NLRP13: variants seen among roughly 807,000 people sequenced by gnomAD.
NLRP13 encodes NACHT, LRR and PYD domains-containing protein 13.
NLRP13 carries 82 observed loss-of-function variants against 94.4 expected under a neutral mutation model. The ratio of observed to expected loss-of-function variants is 0.87; its 90% CI spans 0.73 to 1.04. The LOEUF (loss-of-function observed/expected upper bound fraction) is 1.04. NLRP13 is among the 50% of genes least tolerant of loss of function. The probability of loss-of-function intolerance (pLI) is 0.00; values close to 1 mark genes in which losing one functional copy is unlikely to be tolerated. For synonymous variants in NLRP13, 553 were observed against 464.7 expected (o/e 1.19, Z -2.45); for missense variants, 1,426 against 1,230.8 (o/e 1.16, Z -2.37).
chr19:55,895,608 GGGAGGT>G (rs1240456921), downstream of NLRP13, among the ~76,000 whole-genome samples: 1 of 150,836 alleles, frequency 6.6e-6, no homozygotes, highest in African/African-American at 2.4e-5. Flanking sequence ...GCTTAAACCC[GGGAGGT>G]GGAGGTTGCA....
downstream of NLRP13, among the ~76,000 whole-genome samples, chr19:55,892,398 C>CA (rs752944653): frequency 2.4e-4 from 36 of 151,332 alleles, no homozygotes; most frequent in Non-Finnish European, 4.9e-4. Context: ...TACACACACA[C>CA]ATATTCATAT....
intron 8 of NLRP13, among the ~76,000 whole-genome samples, chr19:55,902,554 A>T (rs1428077197): frequency 6.6e-6 from 1 of 152,136 alleles, no homozygotes; most frequent in Non-Finnish European, 1.5e-5. Flanking sequence ...ACCCTCAACA[A>T]GCTCCCGCAC....
At position 55,905,892 on chromosome 19, in the gene NLRP13, T is replaced by A. The variant is rs949394170; in HGVS notation, c.2448-780A>T. 2.0e-5 allele frequency among the ~76,000 whole-genome samples: 3 copies of A among 152,266 alleles called. 1 individual carries two copies. Among genetic ancestry groups the A allele is most frequent in the African/African-American group, 7.2e-5 (3 of 41,560 alleles). ...GGACAAAAATCAAATCATCCCCAGT[T>A]TCAACTAATTTAATAGAATCCAGTT... On this transcript the variant is annotated intron_variant, in intron 7 of 10. Transcript: ENST00000342929.
At chr19:55,927,511 T>G (rs1050285728) in intron 1 of NLRP13, among the ~76,000 whole-genome samples, 11 of 150,724 alleles carry the variant, frequency 7.3e-5, no homozygotes, top group African/African-American at 2.7e-4. Context: ...TGTGGAAGCC[T>G]GAAATAGATT....
intron 4 of NLRP13, among the ~76,000 whole-genome samples, chr19:55,918,155 A>G (rs1986717435): frequency 6.6e-6 from 1 of 151,882 alleles, no homozygotes; most frequent in South Asian, 2.1e-4. Context: ...AACTGCTCCT[A>G]AACAATCTTT....
downstream of NLRP13, among the ~76,000 whole-genome samples, chr19:55,895,467 G>T (rs1228087322): frequency 1.3e-5 from 2 of 152,090 alleles, no homozygotes; most frequent in African/African-American, 2.4e-5. Context: ...TGGATCACCT[G>T]AGGTCAGGAG....
chr19:55,913,339 G>T (rs772507798), intron 4 of NLRP13, 46 bp from the exon 5 acceptor site: 2 of 1,563,574 alleles, frequency 1.3e-6, no homozygotes, highest in South Asian at 2.4e-5. Context: ...ATAAATTTCA[G>T]AGTTAGGAAT....
intron 1 of NLRP13, among the ~76,000 whole-genome samples, chr19:55,926,615 C>G (rs1986972042): frequency 6.6e-6 from 1 of 152,136 alleles, no homozygotes; most frequent in African/African-American, 2.4e-5. Flanking sequence ...CTAGCAACCC[C>G]TCAATGTAGG....
At chr19:55,901,479 C>T (rs775452413) in intron 9 of NLRP13, among the ~76,000 whole-genome samples, 1 of 152,032 alleles carries the variant, frequency 6.6e-6, no homozygotes, top group Non-Finnish European at 1.5e-5. Flanking sequence ...AGTTTTCTTC[C>T]CAAATAAGGA....
chr19:55,930,958 C>T (rs1224083812), intron 1 of NLRP13, among the ~76,000 whole-genome samples: 1 of 140,594 alleles, frequency 7.1e-6, no homozygotes, highest in Non-Finnish European at 1.5e-5. Context: ...TTACAAAACA[C>T]TTTATTACCA....
intron 4 of NLRP13, among the ~76,000 whole-genome samples, chr19:55,915,677 T>C (rs1029010631): frequency 3.3e-5 from 5 of 152,028 alleles, no homozygotes; most frequent in Non-Finnish European, 7.4e-5. Flanking sequence ...AGAGAACTCA[T>C]AGGAAGAAGC....
rs1213334225 is a variant in NLRP13, at chr19:55,911,818, C to G, written c.1999G>C (p.Glu667Gln). 1 of 1,614,152 alleles carries G rather than the reference C, an allele frequency of 6.2e-7. No individual in the cohort carries two copies. Among genetic ancestry groups the G allele is most frequent in the Non-Finnish European group, 8.5e-7 (1 of 1,180,008 alleles). Residue 667 changes from glutamate to glutamine, a missense_variant, in exon 5 of 11, where the codon GAG becomes CAG. Transcript: ENST00000342929. ...GAAGAAGCTTGGAGTTCTTCGTCCTCCAAAATATTAAGGTCAACTTCAAAG... is the reference window on the plus strand; with the variant it reads ...GAAGAAGCTTGGAGTTCTTCGTCCTGCAAAATATTAAGGTCAACTTCAAAG... ...RIFEVDLNIL[E>Q]DEELQASSFC... is the part of the protein sequence containing the mutation.
chr19:55,914,002 C>T (rs545977546), intron 4 of NLRP13, among the ~76,000 whole-genome samples: 3 of 152,324 alleles, frequency 2.0e-5, no homozygotes, highest in East Asian at 1.9e-4. Flanking sequence ...AAGGCTGACC[C>T]GACTCGACTC....
At chr19:55,928,217 G>A (rs1275748757) in intron 1 of NLRP13, among the ~76,000 whole-genome samples, 2 of 152,158 alleles carry the variant, frequency 1.3e-5, no homozygotes, top group African/African-American at 4.8e-5. Flanking sequence ...TGCCCCGCCT[G>A]GCCCTGCAGC....
intron 7 of NLRP13, among the ~76,000 whole-genome samples, chr19:55,906,574 C>T (rs546607057): frequency 1.3e-5 from 2 of 152,132 alleles, no homozygotes; most frequent in African/African-American, 4.8e-5. Context: ...TGGAGGACTC[C>T]CTCAGGCTTC....
At chr19:55,914,360 GGAAT>G (rs1986626386) in intron 4 of NLRP13, among the ~76,000 whole-genome samples, 1 of 152,148 alleles carries the variant, frequency 6.6e-6, no homozygotes, top group African/African-American at 2.4e-5. Flanking sequence ...TGAAAACCAA[GGAAT>G]GAGATGCCGT....
intron 9 of NLRP13, 138 bp downstream of exon 9, chr19:55,901,897 C>T (rs559421312): frequency 1.9e-5 from 17 of 895,512 alleles, no homozygotes; most frequent in Non-Finnish European, 2.5e-5. Context: ...CCCACACCCC[C>T]GACAAAACCA....
Position 55,922,023 on chromosome 19 carries a change from C to T in NLRP13, c.523+1891G>A, listed in dbSNP as rs146624662. On this transcript the variant is annotated intron_variant, in intron 4 of 10. Coordinates refer to ENST00000342929, the MANE Select transcript of NLRP13 (RefSeq NM_176810.2). ...CAGTTCCACATGGCTGGGGAGGCCT[C>T]GCAATCATGGCAGAAGGCAAAGCAG... 2.2e-3 allele frequency among the ~76,000 whole-genome samples: 330 copies of T among 152,238 alleles called. 2 individuals are homozygous for T. Among genetic ancestry groups the T allele is most frequent in the African/African-American group, 7.2e-3 (301 of 41,542 alleles).
chr19:55,931,943 C>T, intron 1 of NLRP13, 50 bp downstream of exon 1: 6 of 1,564,340 alleles, frequency 3.8e-6, no homozygotes, highest in Non-Finnish European at 5.2e-6. Flanking sequence ...TACCTCCTTG[C>T]CTCAGGAGTA....
Sources: gnomAD v4.1 joint callset for allele counts (sites outside exome capture counted in the v4.1 genomes callset) on GRCh38, gnomAD v4.1.1 for gene constraint, MANE v1.5 for transcripts, NCBI Gene and HGNC (gene_info 2026-07-23, HGNC 2026-07-21) for gene names.